The following THEMIS variants were observed in gnomAD, a reference collection of about 807,000 sequenced individuals.
THEMIS encodes thymocyte selection associated.
In THEMIS, 37 loss-of-function variants were observed where a neutral mutation model predicts 52.6. The ratio of observed to expected loss-of-function variants is 0.70; its 90% CI spans 0.54 to 0.93. The LOEUF (loss-of-function observed/expected upper bound fraction) is 0.93, where lower values mean the gene tolerates loss of function less well. THEMIS is among the 40% of genes least tolerant of loss of function. The pLI, the probability that THEMIS is intolerant of heterozygous loss-of-function variation, is 0.00. For synonymous variants in THEMIS, 292 were observed against 272.7 expected (o/e 1.07, Z -0.70); for missense variants, 808 against 763.1 (o/e 1.06, Z -0.69).
intron 3 of THEMIS, among the ~76,000 whole-genome samples, chr6:127,819,118 T>TAAAAAAAAAAAAAA (rs142123167): frequency 2.6e-4 from 5 of 19,480 alleles, no homozygotes; most frequent in African/African-American, 1.0e-3. Context: ...AGACTCTGTC[T>TAAAAAAAAAAAAAA]AAAAAAAAAA....
intron 4 of THEMIS, among the ~76,000 whole-genome samples, chr6:127,807,843 C>T (rs780734700): frequency 4.1e-4 from 63 of 152,196 alleles, no homozygotes; most frequent in Non-Finnish European, 7.3e-4. Context: ...GTGGATTTCT[C>T]TAACACATTT....
At chr6:127,704,825 C>T (rs986277627), downstream of THEMIS, among the ~76,000 whole-genome samples, 2 of 152,218 alleles carry the variant, frequency 1.3e-5, no homozygotes, top group Admixed American at 6.5e-5. Context: ...ATTCGGCTTA[C>T]ACTTCCAGAG....
chr6:127,761,678 C>T (rs1776026924), intron 4 of THEMIS, among the ~76,000 whole-genome samples: 1 of 152,138 alleles, frequency 6.6e-6, no homozygotes, highest in Non-Finnish European at 1.5e-5. Context: ...TCTCAGGGAG[C>T]AGCCCACCCT....
chr6:127,787,880 T>TAG (rs200767496), intron 4 of THEMIS, among the ~76,000 whole-genome samples: 22,849 of 119,390 alleles, frequency 0.19, 2,191 homozygotes, highest in East Asian at 0.32. Context: ...GATAGATAGA[T>TAG]ATAGATAGAT....
intron 4 of THEMIS, among the ~76,000 whole-genome samples, chr6:127,796,077 A>G (rs1395738116): frequency 6.6e-6 from 1 of 152,248 alleles, no homozygotes; most frequent in African/African-American, 2.4e-5. Flanking sequence ...AATTTAGAAT[A>G]CATTATAGTG....
In THEMIS at chr6:127,855,183, T is replaced by C. The variant is rs1779577609; in HGVS notation, c.97A>G (p.Ile33Val). The C allele has an allele frequency of 1.3e-6, 2 of 1,594,722 alleles. No individual in the cohort carries two copies. The highest frequency in any genetic ancestry group is 1.1e-5 in the South Asian group (1 of 87,618). The change falls in exon 2 of 6, where the codon ATT becomes GTT. Residue 33 changes from isoleucine (I) to valine (V), a missense_variant. Coordinates refer to ENST00000368248, the MANE Select transcript of THEMIS (RefSeq NM_001010923.3). ...CATTCATTTCCAAACATTTCATAAA[T>C]AGAGCCTAAAAGGAAAGAAAAGTTA... ...IQAGIYLEGS[I>V]YEMFGNECCF... is the part of the protein sequence containing the mutation.
chr6:127,888,340 T>C (rs1248539300), intron 1 of THEMIS, among the ~76,000 whole-genome samples: 1 of 152,062 alleles, frequency 6.6e-6, no homozygotes, highest in Non-Finnish European at 1.5e-5. Context: ...TGAGAATAGA[T>C]TTTAGAAATG....
chr6:127,844,548 CA>C (rs1250765859), intron 2 of THEMIS, among the ~76,000 whole-genome samples: 2 of 151,650 alleles, frequency 1.3e-5, no homozygotes, highest in African/African-American at 4.8e-5. Flanking sequence ...AGTCTTCCTT[CA>C]CCATATCATT....
intron 1 of THEMIS, among the ~76,000 whole-genome samples, chr6:127,909,251 G>A (rs763802359): frequency 3.4e-4 from 51 of 151,950 alleles, no homozygotes; most frequent in Admixed American, 1.6e-3. Flanking sequence ...AGACTGAGTC[G>A]GGGAAGTTAC....
chr6:127,761,342 C>G (rs1053102153), intron 4 of THEMIS, among the ~76,000 whole-genome samples: 8 of 152,242 alleles, frequency 5.3e-5, no homozygotes, highest in African/African-American at 1.9e-4. Flanking sequence ...GCCTCTCACT[C>G]AAGCTATAGC....
intron 2 of THEMIS, among the ~76,000 whole-genome samples, chr6:127,850,887 A>T (rs1779399405): frequency 6.6e-6 from 1 of 151,484 alleles, no homozygotes; most frequent in Non-Finnish European, 1.5e-5. Flanking sequence ...CTATGGAAAT[A>T]ATAATAATAA....
chr6:127,881,366 T>C (rs965094569), intron 1 of THEMIS, among the ~76,000 whole-genome samples: 4 of 151,994 alleles, frequency 2.6e-5, no homozygotes, highest in South Asian at 2.1e-4. Flanking sequence ...TAATAAAAAA[T>C]AAAATTTTAC....
At chr6:127,777,982 C>G (rs1051101176) in intron 4 of THEMIS, among the ~76,000 whole-genome samples, 1 of 152,114 alleles carries the variant, frequency 6.6e-6, no homozygotes, top group African/African-American at 2.4e-5. Context: ...CTTACTATTA[C>G]AAAGGCTGGA....
At chr6:127,705,699 C>T (rs1216973095), downstream of THEMIS, among the ~76,000 whole-genome samples, 1 of 152,168 alleles carries the variant, frequency 6.6e-6, no homozygotes, top group Non-Finnish European at 1.5e-5. Flanking sequence ...ACATGATATC[C>T]TGTGTAATAT....
intron 4 of THEMIS, among the ~76,000 whole-genome samples, chr6:127,732,306 A>G (rs1467550980): frequency 1.3e-5 from 2 of 151,960 alleles, no homozygotes; most frequent in African/African-American, 2.4e-5. Flanking sequence ...TGGTTCATTC[A>G]TCTGTATTTT....
intron 2 of THEMIS, 38 bp from the exon 3 acceptor site, chr6:127,829,972 T>G: frequency 6.7e-7 from 1 of 1,489,130 alleles, no homozygotes; most frequent in Non-Finnish European, 9.1e-7. Flanking sequence ...AGAGAGTTCT[T>G]ACAATGAAAG....
chr6:127,845,334 G>T (rs1779178258), intron 2 of THEMIS, among the ~76,000 whole-genome samples: 1 of 151,852 alleles, frequency 6.6e-6, no homozygotes, highest in African/African-American at 2.4e-5. Context: ...CAGAAGAGCA[G>T]GTCAATTTTT....
intron 4 of THEMIS, among the ~76,000 whole-genome samples, chr6:127,748,290 G>A (rs1775518211): frequency 1.3e-5 from 2 of 152,028 alleles, no homozygotes; most frequent in Admixed American, 6.6e-5. Flanking sequence ...GTCTAAAAAC[G>A]AGTGGCTGCA....
intron 1 of THEMIS, among the ~76,000 whole-genome samples, chr6:127,864,059 T>C (rs566838487): frequency 6.6e-6 from 1 of 152,262 alleles, no homozygotes; most frequent in South Asian, 2.1e-4. Context: ...TCAAAGACAT[T>C]TTGAAGACTT....
Sources: allele counts gnomAD v4.1 joint callset (sites outside exome capture counted in the v4.1 genomes callset), GRCh38; gene constraint gnomAD v4.1.1; transcripts MANE v1.5; gene names NCBI Gene and HGNC (gene_info 2026-07-23, HGNC 2026-07-21).